The following PCSK5 variants were observed in gnomAD, a reference collection of about 807,000 sequenced individuals.
PCSK5 encodes the protein proprotein convertase subtilisin/kexin type 5.
Under a neutral mutation model 233.2 loss-of-function variants are expected in PCSK5, and 129 were observed. The observed-to-expected ratio is 0.55, with a 90% CI of 0.48 to 0.64. The LOEUF (loss-of-function observed/expected upper bound fraction) is 0.64. Among genes scored for constraint, PCSK5 ranks in the 30% least tolerant of loss-of-function variants. The probability of loss-of-function intolerance (pLI) is 0.00; values close to 1 mark genes in which losing one functional copy is unlikely to be tolerated. For synonymous variants in PCSK5, 825 were observed against 879.2 expected (o/e 0.94, Z 1.09); for missense variants, 2,076 against 2,430.1 (o/e 0.85, Z 3.06).
chr9:76,238,153 G>A (rs565805251), intron 22 of PCSK5, among the ~76,000 whole-genome samples: 305 of 152,274 alleles, frequency 2.0e-3, no homozygotes, highest in Non-Finnish European at 3.2e-3. Flanking sequence ...CAAAAACTCC[G>A]GGAGGGTGGG....
intron 24 of PCSK5, among the ~76,000 whole-genome samples, chr9:76,291,274 C>A (rs1564160629): frequency 6.6e-6 from 1 of 152,080 alleles, no homozygotes; most frequent in South Asian, 2.1e-4. Flanking sequence ...TCTGAAAAAA[C>A]CAGAAGAGGG....
intron 24 of PCSK5, among the ~76,000 whole-genome samples, chr9:76,277,591 C>T (rs1011358065): frequency 6.6e-6 from 1 of 152,198 alleles, no homozygotes; most frequent in Admixed American, 6.5e-5. Context: ...CTGTCAGTTG[C>T]ACCATTTGCA....
intron 5 of PCSK5, among the ~76,000 whole-genome samples, chr9:76,040,555 C>G (rs1829074948): frequency 6.6e-6 from 1 of 152,118 alleles, no homozygotes; most frequent in African/African-American, 2.4e-5. Context: ...TCAGTTACAG[C>G]AAAGAACCAG....
intron 17 of PCSK5, 46 bp from the exon 18 acceptor site, chr9:76,188,532 C>A: frequency 1.6e-6 from 2 of 1,260,816 alleles, no homozygotes; most frequent in Non-Finnish European, 2.3e-6. Flanking sequence ...TACGTTTTGG[C>A]CTCATCACAA....
chr9:76,359,650 G>C lies in PCSK5; in HGVS notation c.*728G>C, dbSNP rs533694454. ...AAGGCAGAGCAAGCCCAGCGAGAAA[G>C]AAATAACTGAATTTCCAGGAACTGC... is the stretch of plus-strand genomic sequence containing the variant. On this transcript the variant is annotated 3_prime_UTR_variant, in exon 38 of 38. Coordinates refer to ENST00000674117, the MANE Select transcript of PCSK5 (RefSeq NM_001372043.1). The C allele has an allele frequency of 2.0e-5, 3 of 152,292 alleles. No homozygotes were observed. The South Asian group carries it at 6.2e-4, about 32-fold the overall frequency. The allele number at this position is 152,292 out of a possible 1,614,324, so 9.4% of individuals were successfully genotyped here. A position where few individuals can be genotyped will look rare whatever the true frequency, so the allele number is the denominator to read the frequency against.
At chr9:76,190,233 A>G (rs972519338) in intron 20 of PCSK5, among the ~76,000 whole-genome samples, 1 of 152,166 alleles carries the variant, frequency 6.6e-6, no homozygotes, top group African/African-American at 2.4e-5. Context: ...GGACAAATGT[A>G]TAACAACATG....
chr9:76,131,051 T>G (rs1470038439), intron 9 of PCSK5, among the ~76,000 whole-genome samples: 3 of 152,098 alleles, frequency 2.0e-5, no homozygotes, highest in African/African-American at 7.2e-5. Flanking sequence ...AAATAGGTAT[T>G]AGGGAGTCCT....
intron 1 of PCSK5, 41 bp downstream of exon 1, chr9:75,891,414 C>CACTGG (rs1825589477): frequency 6.8e-7 from 1 of 1,476,628 alleles, no homozygotes; most frequent in Admixed American, 2.4e-5. Flanking sequence ...GCCCTGAAGC[C>CACTGG]ACTGGGGGCT....
At chr9:76,300,536 C>T (rs75076765) in intron 27 of PCSK5, among the ~76,000 whole-genome samples, 62 of 152,312 alleles carry the variant, frequency 4.1e-4, no homozygotes, top group Middle Eastern at 6.8e-3. Context: ...ATTGGAAACA[C>T]TACAAATCAG....
chr9:76,180,110 C>CAA (rs1823794656), intron 15 of PCSK5, among the ~76,000 whole-genome samples: 1 of 146,020 alleles, frequency 6.8e-6, no homozygotes, highest in African/African-American at 2.6e-5. Flanking sequence ...TATATACACA[C>CAA]ACACACATAT....
intron 8 of PCSK5, among the ~76,000 whole-genome samples, chr9:76,096,964 C>T (rs935642357): frequency 6.7e-6 from 1 of 149,132 alleles, no homozygotes; most frequent in African/African-American, 2.5e-5. Context: ...CAGAGTCTCG[C>T]TCTTTCGCCC....
intron 28 of PCSK5, among the ~76,000 whole-genome samples, chr9:76,307,931 C>T (rs1828752837): frequency 6.6e-6 from 1 of 152,138 alleles, no homozygotes; most frequent in South Asian, 2.1e-4. Context: ...GGCGCGGTGG[C>T]TCACACCTGT....
intron 5 of PCSK5, among the ~76,000 whole-genome samples, chr9:76,057,416 C>CT (rs773465990): frequency 1.1e-4 from 17 of 152,184 alleles, no homozygotes; most frequent in Non-Finnish European, 2.2e-4. Context: ...TCATTGTCAT[C>CT]TGAAGAGAAT....
intron 35 of PCSK5, among the ~76,000 whole-genome samples, chr9:76,341,735 A>C (rs1291699273): frequency 6.6e-6 from 1 of 152,172 alleles, no homozygotes; most frequent in East Asian, 1.9e-4. Context: ...TTTTTCCATT[A>C]ACTCTAACCC....
chr9:76,148,348 T>C (rs1388512510), intron 10 of PCSK5, among the ~76,000 whole-genome samples: 9 of 13,950 alleles, frequency 6.5e-4, no homozygotes, highest in East Asian at 0.023. Context: ...GGAGTTTCTC[T>C]CTCCCTCTCT....
intron 2 of PCSK5, among the ~76,000 whole-genome samples, chr9:75,956,278 T>C (rs1230050763): frequency 6.6e-6 from 1 of 152,246 alleles, no homozygotes; most frequent in Non-Finnish European, 1.5e-5. Context: ...GTCACTCTTT[T>C]ATCTAGTTTA....
chr9:76,083,594 T>C (rs980465594), intron 7 of PCSK5, among the ~76,000 whole-genome samples: 1 of 152,190 alleles, frequency 6.6e-6, no homozygotes, highest in African/African-American at 2.4e-5. Flanking sequence ...ACCAAGACAT[T>C]TGATAGACAT....
At chr9:76,328,520 TATCG>T (rs1049181632) in intron 33 of PCSK5, among the ~76,000 whole-genome samples, 3 of 152,160 alleles carry the variant, frequency 2.0e-5, no homozygotes, top group African/African-American at 4.8e-5. Flanking sequence ...TCTCTCTCTC[TATCG>T]CTCTCTTCCT....
intron 24 of PCSK5, among the ~76,000 whole-genome samples, chr9:76,285,945 A>G (rs903032219): frequency 6.6e-6 from 1 of 152,106 alleles, no homozygotes; most frequent in Non-Finnish European, 1.5e-5. Context: ...AATAAATGAG[A>G]AAAAAAGAGG....
Sources: allele counts gnomAD v4.1 joint callset (sites outside exome capture counted in the v4.1 genomes callset), GRCh38; gene constraint gnomAD v4.1.1; transcripts MANE v1.5; gene names NCBI Gene and HGNC (gene_info 2026-07-23, HGNC 2026-07-21).